TBXAS1: variants seen among roughly 807,000 people sequenced by gnomAD.
TBXAS1 encodes thromboxane A synthase 1.
TBXAS1 carries 48 observed loss-of-function variants against 60.7 expected under a neutral mutation model. The observed-to-expected ratio is 0.79, with a 90% confidence interval of 0.63 to 1.01. The LOEUF (loss-of-function observed/expected upper bound fraction) is 1.01. Ranked by LOEUF, TBXAS1 falls within the 50% of genes least tolerant of loss-of-function variation. The pLI, the probability that TBXAS1 is intolerant of heterozygous loss-of-function variation, is 0.00. For missense variants in TBXAS1, 685 were observed against 686.3 expected (o/e 1.00, Z 0.02); for synonymous variants, 287 against 269.7 (o/e 1.06, Z -0.63).
chr7:139,817,572 C>T (rs1020724903), intron 4 of TBXAS1, among the ~76,000 whole-genome samples: 9 of 152,192 alleles, frequency 5.9e-5, no homozygotes, highest in Non-Finnish European at 8.8e-5. Context: ...CAGGCAGCCA[C>T]GGGGTGTCCA....
At chr7:139,942,949 G>A (rs751142288) in intron 5 of TBXAS1, among the ~76,000 whole-genome samples, 7 of 152,192 alleles carry the variant, frequency 4.6e-5, no homozygotes, top group Non-Finnish European at 1.0e-4. Flanking sequence ...AAAAATTTAA[G>A]TTGATATAGC....
At chr7:139,847,684 G>C (rs1478944623) in intron 1 of TBXAS1, among the ~76,000 whole-genome samples, 1 of 152,044 alleles carries the variant, frequency 6.6e-6, no homozygotes, top group Non-Finnish European at 1.5e-5. Flanking sequence ...ATTTACCCCC[G>C]ACCCCTGCAA....
At chr7:140,019,485 C>T (rs1233168304) in intron 12 of TBXAS1, among the ~76,000 whole-genome samples, 2 of 152,172 alleles carry the variant, frequency 1.3e-5, no homozygotes, top group African/African-American at 4.8e-5. Context: ...CTTGTCTGCT[C>T]AGACAAGTGC....
At chr7:139,972,000 A>G (rs1393657152) in intron 9 of TBXAS1, among the ~76,000 whole-genome samples, 1 of 152,164 alleles carries the variant, frequency 6.6e-6, no homozygotes, top group East Asian at 1.9e-4. Flanking sequence ...CACAGCAGCC[A>G]AGACCCACAT....
intron 3 of TBXAS1, among the ~76,000 whole-genome samples, chr7:139,908,763 C>T (rs1310574383): frequency 3.3e-5 from 5 of 152,140 alleles, no homozygotes; most frequent in Non-Finnish European, 5.9e-5. Context: ...ATTTCATTGT[C>T]CTTTCCTTTC....
At chr7:139,820,218 T>A (rs1221399403) in intron 4 of TBXAS1, among the ~76,000 whole-genome samples, 2 of 152,098 alleles carry the variant, frequency 1.3e-5, no homozygotes, top group African/African-American at 4.8e-5. Flanking sequence ...CAAGGAGAAC[T>A]ACGTCTAGTC....
At chr7:139,794,290 A>AG (rs1408761199) in intron 4 of TBXAS1, among the ~76,000 whole-genome samples, 1 of 151,914 alleles carries the variant, frequency 6.6e-6, no homozygotes, top group Non-Finnish European at 1.5e-5. Flanking sequence ...AGTAGAGATG[A>AG]GGTTTCACCA....
At chr7:139,901,389 T>C (rs896046366) in intron 3 of TBXAS1, among the ~76,000 whole-genome samples, 1 of 150,786 alleles carries the variant, frequency 6.6e-6, no homozygotes, top group Non-Finnish European at 1.5e-5. Context: ...CAACTTTCAT[T>C]TGAAAGTAGA....
intron 1 of TBXAS1, among the ~76,000 whole-genome samples, chr7:139,838,445 T>C (rs1187844951): frequency 2.6e-5 from 4 of 152,348 alleles, no homozygotes; most frequent in African/African-American, 9.6e-5. Context: ...CACAGTTCCA[T>C]ACAGATCTAA....
intron 5 of TBXAS1, among the ~76,000 whole-genome samples, chr7:139,942,798 T>G (rs1434225337): frequency 6.6e-6 from 1 of 152,194 alleles, no homozygotes; most frequent in African/African-American, 2.4e-5. Context: ...AATTTTTCAC[T>G]TTTCATCCAG....
At chr7:139,934,487 C>A (rs904071801) in intron 4 of TBXAS1, among the ~76,000 whole-genome samples, 1 of 152,086 alleles carries the variant, frequency 6.6e-6, no homozygotes, top group Non-Finnish European at 1.5e-5. Context: ...CATGCCTGGC[C>A]GCAAAGTCTT....
At chr7:139,995,785 C>T (rs1391293038) in intron 9 of TBXAS1, among the ~76,000 whole-genome samples, 2 of 152,170 alleles carry the variant, frequency 1.3e-5, no homozygotes, top group African/African-American at 4.8e-5. Flanking sequence ...TTTTCCTTGG[C>T]CATGGGCTCA....
At chr7:139,953,240 T>C (rs1202617919) in intron 5 of TBXAS1, 128 bp from the exon 6 acceptor site, 1 of 786,130 alleles carries the variant, frequency 1.3e-6, no homozygotes, top group East Asian at 2.5e-5. Flanking sequence ...ATCTTAGCTG[T>C]GTGAAAAATA....
intron 3 of TBXAS1, among the ~76,000 whole-genome samples, chr7:139,889,816 T>A (rs1803415024): frequency 6.6e-6 from 1 of 152,214 alleles, no homozygotes; most frequent in African/African-American, 2.4e-5. Flanking sequence ...CTTCTAATAC[T>A]GTCATCTGGG....
In TBXAS1 at chr7:139,778,900, CCT is replaced by C. The variant is rs1283434209; in HGVS notation, c.-318+432_-318+433del. ...CAACTTAGGAAGACTTGTTGAGTCT[CCT>C]CTTAGGCACTGTTTTTAAAACTGTG... On this transcript the variant is annotated intron_variant, in intron 1 of 16. Transcript: ENST00000336425. This position sits in a 1 kb window ranked among gnomAD's most constrained non-coding sequence, Gnocchi z 4.8. 6.6e-6 allele frequency among the ~76,000 whole-genome samples: 1 copy of C among 152,152 alleles called. No homozygotes were observed. Among genetic ancestry groups the C allele is most frequent in the Non-Finnish European group, 1.5e-5 (1 of 68,042 alleles).
At chr7:139,894,202 C>T (rs1416354701) in intron 3 of TBXAS1, among the ~76,000 whole-genome samples, 1 of 152,202 alleles carries the variant, frequency 6.6e-6, no homozygotes, top group African/African-American at 2.4e-5. Context: ...GTGCCACCAC[C>T]CACGCACCAC....
At chr7:139,865,904 G>A (rs1339036422) in intron 1 of TBXAS1, among the ~76,000 whole-genome samples, 4 of 139,982 alleles carry the variant, frequency 2.9e-5, no homozygotes, top group Non-Finnish European at 6.1e-5. Context: ...GAGGGAGGGA[G>A]GAAGGAAGGA....
At chr7:139,858,169 C>A (rs963530498) in intron 1 of TBXAS1, among the ~76,000 whole-genome samples, 10 of 152,210 alleles carry the variant, frequency 6.6e-5, no homozygotes, top group Non-Finnish European at 1.5e-4. Context: ...TGCCCCATGG[C>A]CTCCAGGTGA....
At chr7:139,806,859 G>A (rs932672277) in intron 4 of TBXAS1, among the ~76,000 whole-genome samples, 8 of 152,094 alleles carry the variant, frequency 5.3e-5, no homozygotes, top group South Asian at 2.1e-4. Flanking sequence ...AGCTTTCACC[G>A]CCATCCACAC....
Sources: gnomAD v4.1 joint callset for allele counts (sites outside exome capture counted in the v4.1 genomes callset) on GRCh38, gnomAD v4.1.1 for gene constraint, Gnocchi (gnomAD v3.1) non-coding constraint, MANE v1.5 for transcripts, NCBI Gene and HGNC (gene_info 2026-07-23, HGNC 2026-07-21) for gene names.